The following AFF1 variants were observed in gnomAD, a reference collection of about 807,000 sequenced individuals.
The protein encoded by AFF1 is ALF transcription elongation factor 1.
AFF1 carries 48 observed loss-of-function variants against 121.7 expected under a neutral mutation model. The ratio of observed to expected loss-of-function variants is 0.39; its 90% CI spans 0.31 to 0.50. The LOEUF (loss-of-function observed/expected upper bound fraction) is 0.50. AFF1 is among the 20% of genes least tolerant of loss of function. The pLI, the probability that AFF1 is intolerant of heterozygous loss-of-function variation, is 0.76. For missense variants in AFF1, 1,523 were observed against 1,511.7 expected (o/e 1.01, Z -0.12); for synonymous variants, 613 against 563.0 (o/e 1.09, Z -1.26).
Position 86,989,610 on chromosome 4 carries a change from AGT to A in AFF1, c.38+41043_38+41044del, listed in dbSNP as rs1173050760. On this transcript the variant is annotated intron_variant, in intron 2 of 20. Transcript: ENST00000395146. Reference sequence around the variant, plus strand: ...AATTAGTTCAACCATTGTGGAAGACAGTGTGGTGATTCCTCAAGGATCTAGAA... The same window carrying A: ...AATTAGTTCAACCATTGTGGAAGACAGTGGTGATTCCTCAAGGATCTAGAA... Among the ~76,000 whole-genome samples the A allele has an allele frequency of 3.3e-5, 5 of 152,352 alleles. No homozygotes were observed. In the East Asian group the frequency reaches 9.6e-4, roughly 29 times the overall value.
intron 2 of AFF1, chr4:87,007,336 C>T (rs938105487): frequency 6.2e-6 from 10 of 1,607,940 alleles, no homozygotes; most frequent in African/African-American, 1.3e-5. Flanking sequence ...ATGGTGAGCG[C>T]GGCGCTGGCA....
intron 4 of AFF1, among the ~76,000 whole-genome samples, chr4:87,055,806 T>C (rs1451252435): frequency 1.3e-5 from 2 of 152,222 alleles, no homozygotes; most frequent in African/African-American, 2.4e-5. Flanking sequence ...GAGAGGATCC[T>C]GGTTCATGTT....
At chr4:87,054,407 G>T (rs1364933847) in intron 4 of AFF1, among the ~76,000 whole-genome samples, 1 of 152,122 alleles carries the variant, frequency 6.6e-6, no homozygotes, top group Non-Finnish European at 1.5e-5. Context: ...CACAGGAGTG[G>T]GATCCCCAAG....
chr4:87,074,548 T>A (rs1384355203), intron 4 of AFF1, among the ~76,000 whole-genome samples: 1 of 152,200 alleles, frequency 6.6e-6, no homozygotes, highest in Non-Finnish European at 1.5e-5. Context: ...GTGGTAAGTT[T>A]TTTACATTTG....
intron 2 of AFF1, among the ~76,000 whole-genome samples, chr4:87,026,524 A>G (rs1728552241): frequency 6.6e-6 from 1 of 152,212 alleles, no homozygotes; most frequent in African/African-American, 2.4e-5. Flanking sequence ...GACAAACAGC[A>G]GTCTCTGTGT....
At chr4:87,122,160 A>G (rs1727757228) in intron 12 of AFF1, among the ~76,000 whole-genome samples, 1 of 152,178 alleles carries the variant, frequency 6.6e-6, no homozygotes, top group African/African-American at 2.4e-5. Flanking sequence ...GCAAATTTTG[A>G]CTTTTCAAAG....
rs1285653156 is a variant in AFF1, at chr4:87,007,466, C to A, written c.39-38700C>A. 6.8e-6 allele frequency: 11 copies of A among 1,612,926 alleles called. 1 individual carries two copies. Among genetic ancestry groups the A allele is most frequent in the Middle Eastern group, 1.7e-4 (1 of 6,054 alleles). On this transcript the variant is annotated intron_variant, in intron 2 of 20. Coordinates refer to ENST00000395146, the MANE Select transcript of AFF1 (RefSeq NM_001166693.3). ...AGAAACTTTTCAAACGCGTTCGTGG[C>A]GAGGGGAGCTGAAGGTTGCGGGGGA...
intron 2 of AFF1, among the ~76,000 whole-genome samples, chr4:86,977,718 A>G (rs370108411): frequency 6.6e-5 from 10 of 152,200 alleles, no homozygotes; most frequent in African/African-American, 2.4e-4. Flanking sequence ...ACTCATCTTT[A>G]CATCCCATTG....
chr4:87,083,681 T>C (rs773599801), intron 4 of AFF1, among the ~76,000 whole-genome samples: 14 of 152,226 alleles, frequency 9.2e-5, no homozygotes, highest in Admixed American at 3.9e-4. Flanking sequence ...ACTTTTAACC[T>C]GAGGGTCAAC....
intron 2 of AFF1, among the ~76,000 whole-genome samples, chr4:86,980,947 A>ACCCCCCCCC (rs57473395): frequency 2.0e-5 from 2 of 102,400 alleles, no homozygotes; most frequent in African/African-American, 7.0e-5. Context: ...GGCTTGAGGC[A>ACCCCCCCCC]CCCCCCCCCT....
intron 4 of AFF1, among the ~76,000 whole-genome samples, chr4:87,059,442 C>T (rs1229934875): frequency 1.3e-5 from 2 of 152,186 alleles, no homozygotes; most frequent in African/African-American, 4.8e-5. Flanking sequence ...CATAGCTTCT[C>T]CTTTTCTCTG....
chr4:86,984,111 ACT>A (rs1371658656), intron 2 of AFF1, among the ~76,000 whole-genome samples: 3 of 152,156 alleles, frequency 2.0e-5, no homozygotes, highest in Admixed American at 1.3e-4. Flanking sequence ...ACTAAATATT[ACT>A]TTTTTCATTT....
chr4:87,014,347 T>A (rs1727098932), intron 2 of AFF1, among the ~76,000 whole-genome samples: 1 of 152,192 alleles, frequency 6.6e-6, no homozygotes, highest in East Asian at 1.9e-4. Flanking sequence ...AGGGAAAAGT[T>A]AAAATGGTGT....
At chr4:87,134,385 G>A (rs1560666449) in intron 19 of AFF1, 86 bp from the exon 20 acceptor site, 10 of 1,256,776 alleles carry the variant, frequency 8.0e-6, no homozygotes, top group Non-Finnish European at 1.1e-5. Context: ...TTGTGTCTTG[G>A]ACTGTAGTTC....
chr4:87,013,864 T>G (rs571929376), intron 2 of AFF1, among the ~76,000 whole-genome samples: 8 of 152,120 alleles, frequency 5.3e-5, no homozygotes, highest in Admixed American at 4.6e-4. Context: ...AATGGACAGG[T>G]TCTGGGTGGA....
At chr4:86,966,626 G>A (rs984946282) in intron 2 of AFF1, among the ~76,000 whole-genome samples, 4 of 152,054 alleles carry the variant, frequency 2.6e-5, no homozygotes, top group African/African-American at 9.7e-5. Context: ...TAGGCTAATG[G>A]GCATTTTTGA....
At chr4:86,992,015 C>G (rs1242712262) in intron 2 of AFF1, among the ~76,000 whole-genome samples, 3 of 152,010 alleles carry the variant, frequency 2.0e-5, no homozygotes, top group Non-Finnish European at 1.5e-5. Context: ...AAAGTAACAT[C>G]AAATTTGGGA....
intron 16 of AFF1, among the ~76,000 whole-genome samples, chr4:87,130,592 G>A (rs1378757607): frequency 6.6e-6 from 1 of 152,202 alleles, no homozygotes; most frequent in East Asian, 1.9e-4. Flanking sequence ...GTCAAAGGAG[G>A]TTAATCTATT....
chr4:87,063,949 T>C (rs553385205), intron 4 of AFF1, among the ~76,000 whole-genome samples: 41 of 152,326 alleles, frequency 2.7e-4, no homozygotes, highest in African/African-American at 9.6e-4. Context: ...TGTTTCACAG[T>C]TGTTGTGATG....
Sources: allele counts gnomAD v4.1 joint callset (sites outside exome capture counted in the v4.1 genomes callset), GRCh38; gene constraint gnomAD v4.1.1; transcripts MANE v1.5; gene names NCBI Gene and HGNC (gene_info 2026-07-23, HGNC 2026-07-21).